MAST2: variants seen among roughly 807,000 people sequenced by gnomAD.
The protein encoded by MAST2 is microtubule-associated serine/threonine-protein kinase 2.
Under a neutral mutation model 147.4 loss-of-function variants are expected in MAST2, and 70 were observed. The ratio of observed to expected loss-of-function variants is 0.47; its 90% CI spans 0.39 to 0.58. The LOEUF (loss-of-function observed/expected upper bound fraction) is 0.58, where lower values mean the gene tolerates loss of function less well. Among genes scored for constraint, MAST2 ranks in the 20% least tolerant of loss-of-function variants. MAST2 has a pLI of 0.00. For missense variants in MAST2, 2,080 were observed against 2,302.3 expected (o/e 0.90, Z 1.98); for synonymous variants, 869 against 896.8 (o/e 0.97, Z 0.55).
chr1:45,834,868 C>T (rs1351892802), intron 3 of MAST2, among the ~76,000 whole-genome samples: 1 of 151,938 alleles, frequency 6.6e-6, no homozygotes, highest in Non-Finnish European at 1.5e-5. Flanking sequence ...GCTGTATCAC[C>T]ATTCTAAGAC....
intron 4 of MAST2, among the ~76,000 whole-genome samples, chr1:45,905,174 C>CTTT (rs1206585552): frequency 4.7e-5 from 6 of 128,114 alleles, no homozygotes; most frequent in African/African-American, 1.5e-4. Flanking sequence ...TATGTTTAAT[C>CTTT]TTTTTTTTTT....
In MAST2 at chr1:46,030,632, C is replaced by T; in HGVS notation, c.2579C>T (p.Ser860Leu). 6.2e-7 allele frequency: 1 copy of T among 1,611,204 alleles called. No homozygotes were observed. The highest frequency in any genetic ancestry group is 8.5e-7 in the Non-Finnish European group (1 of 1,179,198). The change falls in exon 22 of 29, where the codon TCA (serine) becomes TTA (leucine). Residue 860 changes from serine to leucine, a missense_variant. Transcript: ENST00000361297. Reference protein sequence around the residue: ...NKVYSSMERLSLLEERRTPPP... With the variant: ...NKVYSSMERLLLLEERRTPPP... ...GTGTACAGCAGCATGGAGCGGCTCT[C>T]ACTGCTCGAGGAGCGCCGGACACCA...
Position 45,804,080 on chromosome 1 carries a change from G to T in MAST2, c.177+8G>T. On this transcript the variant is annotated splice_region_variant and intron_variant, in intron 1 of 28. Coordinates refer to ENST00000361297, the MANE Select transcript of MAST2 (RefSeq NM_015112.3). ...CCCGAGGGCAAGGAGCAGGTAGGGC[G>T]GGTTGGGATCCGGGAGGGTGAACCT... The T allele has an allele frequency of 7.8e-7, 1 of 1,281,544 alleles. No homozygotes were observed. Among genetic ancestry groups the T allele is most frequent in the South Asian group, 2.7e-5 (1 of 36,792 alleles). 79.4% of individuals were successfully genotyped at this position (1,281,544 alleles called of 1,614,324 possible).
intron 3 of MAST2, among the ~76,000 whole-genome samples, chr1:45,879,757 A>C (rs908644769): frequency 1.3e-5 from 2 of 152,130 alleles, no homozygotes; most frequent in African/African-American, 2.4e-5. Flanking sequence ...ATACTTCACA[A>C]AGGAATATAT....
chr1:45,918,852 C>T (rs1652992224), intron 4 of MAST2, among the ~76,000 whole-genome samples: 1 of 152,204 alleles, frequency 6.6e-6, no homozygotes, highest in South Asian at 2.1e-4. Context: ...GTGGCTTACA[C>T]CTGTAATCCC....
intron 3 of MAST2, chr1:45,847,598 G>A (rs1645482156): frequency 2.5e-6 from 2 of 805,402 alleles, no homozygotes; most frequent in Admixed American, 4.9e-5. Flanking sequence ...TCCCTTTGGT[G>A]CTTTAGGTAT....
At chr1:45,955,326 C>A (rs1027588822) in intron 4 of MAST2, among the ~76,000 whole-genome samples, 1 of 152,132 alleles carries the variant, frequency 6.6e-6, no homozygotes, top group African/African-American at 2.4e-5. Flanking sequence ...TACTTTAAAT[C>A]ATCTCTAGAT....
intron 1 of MAST2, among the ~76,000 whole-genome samples, chr1:45,812,677 G>T (rs1570171970): frequency 6.6e-6 from 1 of 152,034 alleles, no homozygotes; most frequent in Admixed American, 6.6e-5. Flanking sequence ...CGTCCACCTC[G>T]GCCTCCCAAA....
At position 45,936,153 on chromosome 1, in the gene MAST2, G is replaced by T. The variant is rs568873584; in HGVS notation, c.501-23233G>T. On this transcript the variant is annotated intron_variant, in intron 4 of 28. Coordinates refer to ENST00000361297, the MANE Select transcript of MAST2 (RefSeq NM_015112.3). ...TCTTAGGTATTTTATTCGTTATGTG[G>T]TTATTGTCATTGGGATTTCATTCTG... 2.6e-5 allele frequency among the ~76,000 whole-genome samples: 4 copies of T among 152,208 alleles called. No homozygotes were observed. In the South Asian group the frequency reaches 8.3e-4, roughly 32 times the overall value.
intron 15 of MAST2, among the ~76,000 whole-genome samples, chr1:46,025,390 A>G (rs1234414309): frequency 6.6e-6 from 1 of 152,174 alleles, no homozygotes; most frequent in Non-Finnish European, 1.5e-5. Flanking sequence ...ATAGCATGGG[A>G]AAGACCCACT....
At chr1:45,917,131 ATGT>A (rs1304900995) in intron 4 of MAST2, among the ~76,000 whole-genome samples, 1 of 152,220 alleles carries the variant, frequency 6.6e-6, no homozygotes, top group Non-Finnish European at 1.5e-5. Flanking sequence ...CAAATCTTAA[ATGT>A]TGTATTTTAA....
Position 46,023,583 on chromosome 1 carries a change from GA to G in MAST2, c.1572-188del. ...GGGAAGCATTGAGCCGTGTCATCAG[GA>G]CATGGTCTATCAAGAAGTTTAAGAG... On this transcript the variant is annotated intron_variant, in intron 14 of 28. Coordinates refer to ENST00000361297, the MANE Select transcript of MAST2 (RefSeq NM_015112.3). This position sits in a 1 kb window ranked among gnomAD's most constrained non-coding sequence, Gnocchi z 4.9. The G allele has an allele frequency of 1.6e-6, 1 of 634,428 alleles. No homozygotes were observed. The highest frequency in any genetic ancestry group is 2.7e-5 in the East Asian group (1 of 36,588). 39.3% of individuals were successfully genotyped at this position (634,428 alleles called of 1,614,324 possible). A position where few individuals can be genotyped will look rare whatever the true frequency, so the allele number is the denominator to read the frequency against.
At chr1:45,838,052 T>C (rs1170993844) in intron 3 of MAST2, among the ~76,000 whole-genome samples, 1 of 152,044 alleles carries the variant, frequency 6.6e-6, no homozygotes, top group Non-Finnish European at 1.5e-5. Context: ...GTGCTGGGAT[T>C]ACAGGTGTGA....
chr1:45,898,391 T>A (rs1649132677), intron 4 of MAST2, among the ~76,000 whole-genome samples: 1 of 152,236 alleles, frequency 6.6e-6, no homozygotes, highest in Non-Finnish European at 1.5e-5. Flanking sequence ...ATCAAACTAT[T>A]ACTCTAAGGA....
intron 3 of MAST2, among the ~76,000 whole-genome samples, chr1:45,852,527 A>C (rs1432739373): frequency 7.3e-6 from 1 of 136,086 alleles, no homozygotes; most frequent in Non-Finnish European, 1.6e-5. Context: ...ATGCCTGGCT[A>C]ATTTTTTTTT....
intron 4 of MAST2, among the ~76,000 whole-genome samples, chr1:45,925,759 A>G (rs1302400135): frequency 6.6e-6 from 1 of 152,222 alleles, no homozygotes; most frequent in Admixed American, 6.5e-5. Context: ...TTCCTACTGC[A>G]TAGGAATTTC....
At chr1:45,945,712 A>G (rs1000052938) in intron 4 of MAST2, among the ~76,000 whole-genome samples, 3 of 152,260 alleles carry the variant, frequency 2.0e-5, no homozygotes, top group East Asian at 1.9e-4. Context: ...GCCAAAATAC[A>G]TAGTAATTAC....
chr1:45,980,985 G>A (rs553302872), intron 5 of MAST2, among the ~76,000 whole-genome samples: 8 of 152,254 alleles, frequency 5.3e-5, no homozygotes, highest in African/African-American at 1.2e-4. Context: ...TTTAATATAC[G>A]CAGAGCTGGC....
chr1:45,821,515 CTTTT>C (rs59159342), intron 1 of MAST2, among the ~76,000 whole-genome samples: 2 of 70,922 alleles, frequency 2.8e-5, no homozygotes, highest in Admixed American at 1.8e-4. Context: ...GTTATTTCTT[CTTTT>C]TTTTTTTTTT....
Sources: gnomAD v4.1 joint callset for allele counts (sites outside exome capture counted in the v4.1 genomes callset) on GRCh38, gnomAD v4.1.1 for gene constraint, Gnocchi (gnomAD v3.1) non-coding constraint, MANE v1.5 for transcripts, NCBI Gene and HGNC (gene_info 2026-07-23, HGNC 2026-07-21) for gene names.